Variants in VWA5B1 observed in about 807,000 individuals in gnomAD.
VWA5B1 encodes the protein von Willebrand factor A domain containing 5B1.
Under a neutral mutation model 118.2 loss-of-function variants are expected in VWA5B1, and 115 were observed. That is an observed-to-expected ratio of 0.97 (90% CI 0.84 to 1.14). VWA5B1 has a LOEUF of 1.14. Among genes scored for constraint, VWA5B1 ranks in the 50% most tolerant of loss-of-function variants. The pLI is 0.00. For missense variants in VWA5B1, 1,596 were observed against 1,603.8 expected (o/e 1.00, Z 0.08); for synonymous variants, 682 against 658.4 (o/e 1.04, Z -0.55).
chr1:20,348,440 G>C (rs917979807), intron 18 of VWA5B1, 82 bp downstream of exon 18: 2 of 1,381,592 alleles, frequency 1.4e-6, no homozygotes, highest in African/African-American at 2.9e-5. Flanking sequence ...CCTCCTGTCC[G>C]AGGCCCTAGG....
At chr1:20,326,729 G>C (rs534937507) in intron 8 of VWA5B1, among the ~76,000 whole-genome samples, 1 of 151,794 alleles carries the variant, frequency 6.6e-6, no homozygotes, top group African/African-American at 2.4e-5. Flanking sequence ...GATTACAAGC[G>C]TGAGTTACCG....
intron 12 of VWA5B1, among the ~76,000 whole-genome samples, chr1:20,335,585 T>C (rs2089690133): frequency 6.6e-6 from 1 of 152,216 alleles, no homozygotes; most frequent in African/African-American, 2.4e-5. Flanking sequence ...GACTGGAGGC[T>C]TTACGGATAA....
rs532220674 is a variant in VWA5B1 at position 20,312,907 on chromosome 1, G to T, written c.211G>T (p.Val71Leu). The change falls in exon 3 of 22, where the codon GTG (valine) becomes TTG (leucine). Residue 71 changes from valine to leucine, a missense_variant. Physicochemically the swap from Val to Leu is conservative, Grantham distance 32. Transcript: ENST00000289815. ...GFEAVIADRV[V>L]TVQIKDKAKL... ...TGAGGCAGTCATTGCCGACCGTGTC[G>T]TGACAGTACAGATCAAGGACAAAGC... 2.6e-6 allele frequency: 4 copies of T among 1,551,564 alleles called. No individual in the cohort carries two copies. The Admixed American group carries it at 5.9e-5, about 23-fold the overall frequency.
intron 12 of VWA5B1, among the ~76,000 whole-genome samples, chr1:20,334,431 T>C (rs540427040): frequency 6.6e-6 from 1 of 152,284 alleles, no homozygotes; most frequent in South Asian, 2.1e-4. Flanking sequence ...CTGCTACTGG[T>C]AGGGATAAAG....
rs1201052579 is a variant in VWA5B1 at position 20,343,094 on chromosome 1, C to G, written c.2327C>G (p.Pro776Arg). ...SPGDLEPSHH[P>R]SAFETETSSD... The stretch of plus-strand genomic sequence containing the variant: ...CTGCCCGCAGAGCCGTCCCACCATC[C>G]CTCTGCCTTCGAGACAGAGACGTCC... Residue 776 changes from proline to arginine, a missense_variant, in exon 16 of 22, where the codon CCC becomes CGC. Pro to Arg is a moderately radical substitution (Grantham distance 103). Transcript: ENST00000289815. 18 of 1,526,100 alleles carry G rather than the reference C, an allele frequency of 1.2e-5. No homozygotes were observed. The highest frequency in any genetic ancestry group is 1.6e-5 in the Non-Finnish European group (18 of 1,131,020). The allele number at this position is 1,526,100 out of a possible 1,614,324, so 94.5% of individuals were successfully genotyped here. A position where few individuals can be genotyped will look rare whatever the true frequency, so the allele number is the denominator to read the frequency against.
intron 1 of VWA5B1, among the ~76,000 whole-genome samples, chr1:20,297,315 A>G (rs2088422977): frequency 6.6e-6 from 1 of 152,264 alleles, no homozygotes; most frequent in African/African-American, 2.4e-5. Flanking sequence ...CCGTGCCTCT[A>G]ACGGAGGCTC....
At chr1:20,343,421 C>G in intron 16 of VWA5B1, 28 bp downstream of exon 16, 1 of 1,480,318 alleles carries the variant, frequency 6.8e-7, no homozygotes, top group Non-Finnish European at 9.0e-7. Context: ...GCGCCCCTCC[C>G]GCGGACGGCC....
chr1:20,314,906 G>C (rs539753872), intron 4 of VWA5B1, among the ~76,000 whole-genome samples: 1 of 152,180 alleles, frequency 6.6e-6, no homozygotes. Context: ...CAATGTGCCA[G>C]ACACTGAGCT....
At chr1:20,350,038 C>G (rs929148928) in intron 18 of VWA5B1, 118 bp from the exon 19 acceptor site, 24 of 1,029,456 alleles carry the variant, frequency 2.3e-5, no homozygotes, top group Middle Eastern at 2.8e-4. Context: ...GGTGGAAACC[C>G]TAGCCTTGTT....
At chr1:20,300,480 A>G (rs142797938) in intron 1 of VWA5B1, among the ~76,000 whole-genome samples, 110 of 152,290 alleles carry the variant, frequency 7.2e-4, no homozygotes, top group African/African-American at 2.4e-3. Flanking sequence ...TCATTCATGT[A>G]TTCATTCAGC....
At chr1:20,329,551 C>T (rs1262168731) in intron 9 of VWA5B1, among the ~76,000 whole-genome samples, 1 of 152,082 alleles carries the variant, frequency 6.6e-6, no homozygotes, top group East Asian at 1.9e-4. Flanking sequence ...TCAAGTGATC[C>T]ACCTGCCTTG....
intron 2 of VWA5B1, among the ~76,000 whole-genome samples, chr1:20,311,947 C>T (rs1268111025): frequency 6.6e-6 from 1 of 152,232 alleles, no homozygotes; most frequent in Non-Finnish European, 1.5e-5. Flanking sequence ...TACCAAATAA[C>T]TTCCAGCAGC....
chr1:20,304,507 T>C (rs1376474543), intron 1 of VWA5B1, among the ~76,000 whole-genome samples: 1 of 152,016 alleles, frequency 6.6e-6, no homozygotes, highest in African/African-American at 2.4e-5. Flanking sequence ...GACTTACTCT[T>C]TTGGACAAAA....
Position 20,350,202 on chromosome 1 carries a change from C to T in VWA5B1, c.2925C>T (p.Pro975=), listed in dbSNP as rs1358580292. Residue 975 remains proline (P), a synonymous_variant, in exon 19 of 22, where the codon CCC becomes CCT. Coordinates refer to ENST00000289815, the MANE Select transcript of VWA5B1 (RefSeq NM_001039500.3). ...PTALFSEARS[P]GREKHGASEG... ...CTCTCTTCAGCGAGGCCAGGTCCCC[C>T]GGCCGCGAGAAGCACGGTGCTTCTG... 16 of 1,551,046 alleles carry T rather than the reference C, an allele frequency of 1.0e-5. No homozygotes were observed. The highest frequency in any genetic ancestry group is 1.7e-4 in the Middle Eastern group (1 of 6,014).
intron 12 of VWA5B1, among the ~76,000 whole-genome samples, chr1:20,335,419 GA>G (rs1310132968): frequency 6.6e-6 from 1 of 152,142 alleles, no homozygotes; most frequent in Non-Finnish European, 1.5e-5. Flanking sequence ...AAGTTTTTAT[GA>G]AACAAAAAAT....
At chr1:20,311,850 C>T (rs2088858874) in intron 2 of VWA5B1, among the ~76,000 whole-genome samples, 4 of 152,194 alleles carry the variant, frequency 2.6e-5, no homozygotes, top group Admixed American at 1.3e-4. Flanking sequence ...ATCTCCTGGG[C>T]AGGGCAAATG....
chr1:20,325,056 C>G (rs949921386), intron 8 of VWA5B1, among the ~76,000 whole-genome samples: 1 of 152,148 alleles, frequency 6.6e-6, no homozygotes, highest in Non-Finnish European at 1.5e-5. Context: ...CCTTAGGGAG[C>G]ATTTAATCCA....
At chr1:20,318,316 G>T (rs2089090189) in intron 5 of VWA5B1, 2 of 478,540 alleles carry the variant, frequency 4.2e-6, no homozygotes, top group Non-Finnish European at 7.7e-6. Flanking sequence ...AGGATGCTGG[G>T]ATCAGTGCGT....
intron 14 of VWA5B1, among the ~76,000 whole-genome samples, chr1:20,340,210 C>G (rs1472354775): frequency 2.6e-5 from 4 of 151,896 alleles, no homozygotes; most frequent in Admixed American, 2.6e-4. Context: ...CACACACACA[C>G]ACACACACAC....
Sources: allele counts gnomAD v4.1 joint callset (sites outside exome capture counted in the v4.1 genomes callset), GRCh38; gene constraint gnomAD v4.1.1; transcripts MANE v1.5; gene names NCBI Gene and HGNC (gene_info 2026-07-23, HGNC 2026-07-21).